SH3GL2: variants seen among roughly 807,000 people sequenced by gnomAD.
The protein encoded by SH3GL2 is endophilin-A1.
A neutral mutation model predicts 46.0 loss-of-function variants in SH3GL2; 24 were observed. The observed-to-expected ratio is 0.52, with a 90% confidence interval of 0.38 to 0.73. The LOEUF is 0.73. Ranked by LOEUF, SH3GL2 falls within the 30% of genes least tolerant of loss-of-function variation. The pLI, the probability that SH3GL2 is intolerant of heterozygous loss-of-function variation, is 0.00. For synonymous variants in SH3GL2, 196 were observed against 147.1 expected (o/e 1.33, Z -2.40); for missense variants, 413 against 424.2 (o/e 0.97, Z 0.23).
intron 8 of SH3GL2, among the ~76,000 whole-genome samples, chr9:17,794,667 A>T (rs139414530): frequency 3.3e-5 from 5 of 152,332 alleles, no homozygotes; most frequent in African/African-American, 1.2e-4. Flanking sequence ...CTGAGTCTGT[A>T]TCTACATGTG....
chr9:17,757,487 T>G (rs1203627007), intron 2 of SH3GL2, among the ~76,000 whole-genome samples: 2 of 152,108 alleles, frequency 1.3e-5, no homozygotes, highest in Non-Finnish European at 2.9e-5. Flanking sequence ...CATCAAAAAG[T>G]GGGCGAAGGA....
chr9:17,592,157 A>G (rs1262325823), intron 1 of SH3GL2, among the ~76,000 whole-genome samples: 1 of 152,132 alleles, frequency 6.6e-6, no homozygotes, highest in East Asian at 1.9e-4. Flanking sequence ...CCCAACCCCA[A>G]AGTCTCAAGA....
chr9:17,667,874 G>A (rs1820384592), intron 1 of SH3GL2, among the ~76,000 whole-genome samples: 1 of 152,086 alleles, frequency 6.6e-6, no homozygotes, highest in Non-Finnish European at 1.5e-5. Flanking sequence ...GTATCTTATT[G>A]TGATTTGATT....
rs559209572 is a variant in SH3GL2, at chr9:17,687,611, TAAAAAC to T, written c.46-59451_46-59446del. On this transcript the variant is annotated intron_variant, in intron 1 of 8. Transcript: ENST00000380607. ...GTTCTAATGATAAAAATCAGAATGT[TAAAAAC>T]AAACTATAACATACATATAGTTGAA... Among the ~76,000 whole-genome samples, 402 of 152,204 alleles carry T rather than the reference TAAAAAC, an allele frequency of 2.6e-3. 3 individuals are homozygous for T. The highest frequency in any genetic ancestry group is 9.5e-3 in the African/African-American group (393 of 41,540).
chr9:17,618,694 T>C (rs1819062459), intron 1 of SH3GL2, among the ~76,000 whole-genome samples: 1 of 152,190 alleles, frequency 6.6e-6, no homozygotes, highest in Non-Finnish European at 1.5e-5. Context: ...CTAAAGTTTG[T>C]AACATTCTAT....
At chr9:17,590,600 C>T (rs1332599684) in intron 1 of SH3GL2, 1 of 152,064 alleles carries the variant, frequency 6.6e-6, no homozygotes, top group Non-Finnish European at 1.5e-5. Flanking sequence ...TTATATTCAC[C>T]TTAAACCCAG....
chr9:17,708,957 C>G (rs907353958), intron 1 of SH3GL2, among the ~76,000 whole-genome samples: 1 of 151,980 alleles, frequency 6.6e-6, no homozygotes, highest in Admixed American at 6.6e-5. Flanking sequence ...ACCTTTCATT[C>G]TGAGTCCTAA....
chr9:17,593,155 A>C (rs943588006), intron 1 of SH3GL2, among the ~76,000 whole-genome samples: 1 of 152,154 alleles, frequency 6.6e-6, no homozygotes, highest in African/African-American at 2.4e-5. Flanking sequence ...ATACCTTTCT[A>C]ATAAATGGCT....
chr9:17,629,844 A>G (rs969563390), intron 1 of SH3GL2, among the ~76,000 whole-genome samples: 5 of 152,176 alleles, frequency 3.3e-5, no homozygotes, highest in South Asian at 2.1e-4. Flanking sequence ...TGTTTATGCC[A>G]TGTATTTGGA....
At chr9:17,650,389 T>A (rs994688155) in intron 1 of SH3GL2, among the ~76,000 whole-genome samples, 5 of 152,180 alleles carry the variant, frequency 3.3e-5, no homozygotes, top group Non-Finnish European at 7.3e-5. Context: ...TTGTTTTTTT[T>A]AAGACGGAGT....
Position 17,770,506 on chromosome 9 carries a change from G to A in SH3GL2, c.187+8997G>A, listed in dbSNP as rs1172553217. 6.6e-5 allele frequency among the ~76,000 whole-genome samples: 10 copies of A among 152,122 alleles called. No homozygotes were observed. In the East Asian group the frequency reaches 7.7e-4, roughly 12 times the overall value. ...TCACACCCTTATATAATCCCTTCCC[G>A]TTGGGTGTAGATGGAACCTGTGACT... On this transcript the variant is annotated intron_variant, in intron 3 of 8. Transcript: ENST00000380607.
rs1360566873 is a variant in SH3GL2 at position 17,793,438 on chromosome 9, C to G, written c.800C>G (p.Thr267Ser). 1.9e-6 allele frequency: 3 copies of G among 1,612,080 alleles called. No individual in the cohort carries two copies. Among genetic ancestry groups the G allele is most frequent in the African/African-American group, 1.3e-5 (1 of 74,816 alleles). The change falls in exon 8 of 9, where the codon ACT (threonine) becomes AGT (serine). Residue 267 changes from threonine (T) to serine (S), a missense_variant. Coordinates refer to ENST00000380607, the MANE Select transcript of SH3GL2 (RefSeq NM_003026.5). ...CCACGAATGAGCCTGGAGTTTCCAA[C>G]TGGAGACAGTACTCAGCCCAATGGG... ...PKPRMSLEFP[T>S]GDSTQPNGGL...
rs966927894 is a variant in SH3GL2 at position 17,592,987 on chromosome 9, C to T, written c.45+13700C>T. Among the ~76,000 whole-genome samples, 3 of 152,180 alleles carry T rather than the reference C, an allele frequency of 2.0e-5. No homozygotes were observed. In the East Asian group the frequency reaches 5.8e-4, roughly 29 times the overall value. Reference sequence around the variant, plus strand: ...CTATGTAATGAAGCCTCCATAAAAACCCAACATCACAGGGTTTGGGAGGAT... The same window carrying T: ...CTATGTAATGAAGCCTCCATAAAAATCCAACATCACAGGGTTTGGGAGGAT... On this transcript the variant is annotated intron_variant, in intron 1 of 8. Coordinates refer to ENST00000380607, the MANE Select transcript of SH3GL2 (RefSeq NM_003026.5).
chr9:17,737,211 G>A (rs865783212), intron 1 of SH3GL2, among the ~76,000 whole-genome samples: 4 of 151,996 alleles, frequency 2.6e-5, no homozygotes, highest in East Asian at 3.9e-4. Context: ...AGGGGGTGGG[G>A]GGCTAGGGGA....
At chr9:17,748,639 A>G (rs1033425354) in intron 2 of SH3GL2, among the ~76,000 whole-genome samples, 3 of 152,138 alleles carry the variant, frequency 2.0e-5, no homozygotes, top group Admixed American at 6.5e-5. Flanking sequence ...GATGAATTCA[A>G]TAAATATTTT....
At chr9:17,674,398 C>T (rs1820553968) in intron 1 of SH3GL2, among the ~76,000 whole-genome samples, 1 of 152,118 alleles carries the variant, frequency 6.6e-6, no homozygotes, top group Admixed American at 6.6e-5. Context: ...TCCTTAGTAG[C>T]TGGGACTACA....
At chr9:17,658,731 C>G (rs1563801130) in intron 1 of SH3GL2, among the ~76,000 whole-genome samples, 1 of 152,168 alleles carries the variant, frequency 6.6e-6, no homozygotes, top group African/African-American at 2.4e-5. Flanking sequence ...GAAATAAACC[C>G]TAGCTAATTC....
chr9:17,760,437 T>A (rs777627536), intron 2 of SH3GL2, among the ~76,000 whole-genome samples: 9 of 151,940 alleles, frequency 5.9e-5, no homozygotes, highest in Non-Finnish European at 1.3e-4. Flanking sequence ...ATATATTATA[T>A]ACCGGTATAT....
chr9:17,767,034 T>C (rs1823338105), intron 3 of SH3GL2, among the ~76,000 whole-genome samples: 1 of 152,248 alleles, frequency 6.6e-6, no homozygotes, highest in Non-Finnish European at 1.5e-5. Flanking sequence ...ATCCTTGTTA[T>C]GAGAGAGGCC....
Sources: gnomAD v4.1 joint callset for allele counts (sites outside exome capture counted in the v4.1 genomes callset) on GRCh38, gnomAD v4.1.1 for gene constraint, MANE v1.5 for transcripts, NCBI Gene and HGNC (gene_info 2026-07-23, HGNC 2026-07-21) for gene names.